The following RAD9A variants were observed in gnomAD, a reference collection of about 807,000 sequenced individuals.
The protein encoded by RAD9A is RAD9 checkpoint clamp component A.
Under a neutral mutation model 41.2 loss-of-function variants are expected in RAD9A, and 25 were observed. The ratio of observed to expected loss-of-function variants is 0.61; its 90% CI spans 0.44 to 0.85. The LOEUF (loss-of-function observed/expected upper bound fraction) is 0.85. Ranked by LOEUF, RAD9A falls within the 40% of genes least tolerant of loss-of-function variation. The probability of loss-of-function intolerance (pLI) is 0.00; values close to 1 mark genes in which losing one functional copy is unlikely to be tolerated. For synonymous variants in RAD9A, 252 were observed against 210.6 expected (o/e 1.20, Z -1.70); for missense variants, 514 against 518.3 (o/e 0.99, Z 0.08).
chr11:67,397,635 A>G lies in RAD9A; in HGVS notation c.*76A>G. 3 of 1,316,176 alleles carry G rather than the reference A, an allele frequency of 2.3e-6. No homozygotes were observed. The highest frequency in any genetic ancestry group is 2.1e-6 in the Non-Finnish European group (2 of 951,778). The allele number at this position is 1,316,176 out of a possible 1,614,324, so 81.5% of individuals were successfully genotyped here. A position where few individuals can be genotyped will look rare whatever the true frequency, so the allele number is the denominator to read the frequency against. ...AGCCAGTGGCAGAACTGGGTCTCTC[A>G]GCCCTGGGGATCAGAAAGGTGGGCT... On this transcript the variant is annotated 3_prime_UTR_variant, in exon 11 of 11. Transcript: ENST00000307980.
Position 67,397,572 on chromosome 11 carries a change from A to C in RAD9A, c.*13A>C. 1 of 1,579,662 alleles carries C rather than the reference A, an allele frequency of 6.3e-7. No homozygotes were observed. Among genetic ancestry groups the C allele is most frequent in the Non-Finnish European group, 8.7e-7 (1 of 1,151,736 alleles). On this transcript the variant is annotated 3_prime_UTR_variant, in exon 11 of 11. Coordinates refer to ENST00000307980, the MANE Select transcript of RAD9A (RefSeq NM_004584.3). Reference sequence around the variant, plus strand: ...GGGTGAAGGCTGAACCAAGAACCTGAAGCCTGTACCCAGAGGCCTTGGACT... The same window carrying C: ...GGGTGAAGGCTGAACCAAGAACCTGCAGCCTGTACCCAGAGGCCTTGGACT...
intron 9 of RAD9A, 146 bp from the exon 10 acceptor site, chr11:67,397,033 C>T: frequency 1.6e-6 from 1 of 623,508 alleles, no homozygotes; most frequent in Admixed American, 2.7e-5. Flanking sequence ...ACCCCTGCAT[C>T]CTCTCCTCTC....
chr11:67,392,034 G>T lies in RAD9A; in HGVS notation c.-11G>T. ...GGGCAGTGTTGGCCGCTGGCGGAGCGCTGGGGCAGCATGAAGTGCCTGGTC... is the reference window on the plus strand; with the variant it reads ...GGGCAGTGTTGGCCGCTGGCGGAGCTCTGGGGCAGCATGAAGTGCCTGGTC... On this transcript the variant is annotated 5_prime_UTR_variant, in exon 1 of 11. Coordinates refer to ENST00000307980, the MANE Select transcript of RAD9A (RefSeq NM_004584.3). The T allele has an allele frequency of 6.4e-7, 1 of 1,562,838 alleles. No homozygotes were observed. Among genetic ancestry groups the T allele is most frequent in the Non-Finnish European group, 8.6e-7 (1 of 1,156,248 alleles).
Position 67,397,242 on chromosome 11 carries a change from C to T in RAD9A, c.936C>T (p.Thr312=), listed in dbSNP as rs1862733416. Reference sequence around the variant, plus strand: ...ACTCTTACATGATCGCCATGGAAACCACTATAGGCAATGAGGGCTCGCGGG... The same window carrying T: ...ACTCTTACATGATCGCCATGGAAACTACTATAGGCAATGAGGGCTCGCGGG... ...DIDSYMIAME[T]TIGNEGSRVL... Residue 312 remains threonine, a synonymous_variant, in exon 10 of 11, where the codon ACC becomes ACT. Transcript: ENST00000307980. 1 of 1,613,544 alleles carries T rather than the reference C, an allele frequency of 6.2e-7. No homozygotes were observed. The highest frequency in any genetic ancestry group is 2.2e-5 in the East Asian group (1 of 44,890).
chr11:67,395,690 C>T (rs372522518), intron 5 of RAD9A, 26 bp from the exon 6 acceptor site: 15 of 1,544,244 alleles, frequency 9.7e-6, no homozygotes, highest in South Asian at 8.2e-5. Flanking sequence ...CCAGGCATTT[C>T]GGGTAATGCT....
At chr11:67,392,262 G>GGGGGGGGGGGGGGC in intron 2 of RAD9A, 31 bp downstream of exon 2, 31 of 600,694 alleles carry the variant, frequency 5.2e-5, no homozygotes, top group East Asian at 1.7e-4. Context: ...GGGCGGGTGG[G>GGGGGGGGGGGGGGC]ACTCCAGCCG....
chr11:67,395,876 G>A (rs773643652), intron 6 of RAD9A, 36 bp from the exon 7 acceptor site: 1 of 1,613,046 alleles, frequency 6.2e-7, no homozygotes, highest in Admixed American at 1.7e-5. Flanking sequence ...GTGGGAGAGG[G>A]GCGGGGCCCA....
intron 9 of RAD9A, 86 bp downstream of exon 9, chr11:67,396,486 C>A (rs149682342): frequency 2.5e-5 from 38 of 1,492,992 alleles, no homozygotes; most frequent in Middle Eastern, 3.5e-4. Flanking sequence ...TGCACCTCCC[C>A]GCAATGTGTT....
chr11:67,395,587 C>A, intron 5 of RAD9A, 129 bp from the exon 6 acceptor site: 1 of 704,802 alleles, frequency 1.4e-6, no homozygotes, highest in Non-Finnish European at 2.3e-6. Flanking sequence ...CTTCTCTGGG[C>A]CTCATCCACG....
At chr11:67,392,354 T>A in intron 2 of RAD9A, 123 bp downstream of exon 2, 1 of 975,252 alleles carries the variant, frequency 1.0e-6, no homozygotes, top group Non-Finnish European at 1.5e-6. Flanking sequence ...TTTCAGTTTC[T>A]TAGTCTGGCG....
In RAD9A at chr11:67,397,808, GTTCCTACCTC is replaced by G; in HGVS notation, c.*252_*261del. ...CCAGACTTGGCCCTGAACTACTGAC[GTTCCTACCTC>G]TTATTTCTCATTGAGCCTCAGGCTA... On this transcript the variant is annotated 3_prime_UTR_variant, in exon 11 of 11. Transcript: ENST00000307980. The G allele has an allele frequency of 1.9e-6, 1 of 513,542 alleles. No individual in the cohort carries two copies. Among genetic ancestry groups the G allele is most frequent in the Non-Finnish European group, 3.5e-6 (1 of 289,390 alleles). 31.8% of individuals were successfully genotyped at this position (513,542 alleles called of 1,614,324 possible).
rs940312255 is a variant in RAD9A, at chr11:67,397,807, C to G, written c.*248C>G. 1.7e-5 allele frequency: 9 copies of G among 515,768 alleles called. No individual in the cohort carries two copies. Among genetic ancestry groups the G allele is most frequent in the African/African-American group, 1.6e-4 (8 of 51,360 alleles). The allele number at this position is 515,768 out of a possible 1,614,324, so 31.9% of individuals were successfully genotyped here. A position where few individuals can be genotyped will look rare whatever the true frequency, so the allele number is the denominator to read the frequency against. On this transcript the variant is annotated 3_prime_UTR_variant, in exon 11 of 11. Coordinates refer to ENST00000307980, the MANE Select transcript of RAD9A (RefSeq NM_004584.3). The stretch of plus-strand genomic sequence containing the variant: ...TCCAGACTTGGCCCTGAACTACTGA[C>G]GTTCCTACCTCTTATTTCTCATTGA...
rs1298919718 is a variant in RAD9A at position 67,397,308 on chromosome 11, C to G, written c.1002C>G (p.Pro334=). 1.9e-6 allele frequency: 3 copies of G among 1,598,278 alleles called. No individual in the cohort carries two copies. The highest frequency in any genetic ancestry group is 2.2e-5 in the South Asian group (2 of 89,998). The change falls in exon 10 of 11, where the codon CCC becomes CCG. Residue 334 remains proline (P), a synonymous_variant. Transcript: ENST00000307980. The stretch of plus-strand genomic sequence containing the variant: ...CCCTTTCACCTGGCCCCCAGCCCCC[C>G]AAGAGCCCCGGTCCCCACTCCGAGG... ...SISLSPGPQP[P]KSPGPHSEEE... is the part of the protein sequence containing the mutation.
rs764204067 is a variant in RAD9A at position 67,396,266 on chromosome 11, C to T, written c.738C>T (p.Pro246=). Residue 246 remains proline, a synonymous_variant, in exon 9 of 11, where the codon CCC becomes CCT. Transcript: ENST00000307980. ...TTGGGCCCCCTCCCCTGCCCAGGCC[C>T]GCCATCTTCACCATCAAGGACTCTT... is the stretch of plus-strand genomic sequence containing the variant. ...LSIHFDAPGR[P]AIFTIKDSLL... 1.7e-5 allele frequency: 27 copies of T among 1,613,918 alleles called. No individual in the cohort carries two copies. The African/African-American group carries it at 2.0e-4, about 12-fold the overall frequency.
chr11:67,392,939 C>G, intron 3 of RAD9A, 157 bp downstream of exon 3: 3 of 1,090,310 alleles, frequency 2.8e-6, no homozygotes, highest in Non-Finnish European at 3.9e-6. Flanking sequence ...AAAAGCATCA[C>G]AGCGGGGACC....
At position 67,397,450 on chromosome 11, in the gene RAD9A, T is replaced by C. The variant is rs1183099178; in HGVS notation, c.1081-14T>C. 1 of 1,604,236 alleles carries C rather than the reference T, an allele frequency of 6.2e-7. No homozygotes were observed. ...AAGGGAGCAGCCTCCAGAACTCACT[T>C]GTTCTCTTTCCAGTTCCGCTCACTG... On this transcript the variant is annotated splice_polypyrimidine_tract_variant and intron_variant, in intron 10 of 10. Coordinates refer to ENST00000307980, the MANE Select transcript of RAD9A (RefSeq NM_004584.3).
chr11:67,397,436 C>T (rs1316154358), intron 10 of RAD9A, 28 bp from the exon 11 acceptor site: 1 of 1,596,092 alleles, frequency 6.3e-7, no homozygotes. Flanking sequence ...AGGGAGCAGC[C>T]TCCAGAACTC....
rs753879664 is a variant in RAD9A, at chr11:67,393,494, A to C, written c.235-2A>C. ...TAGGCTGAGGTGTCTTATCCCATGC[A>C]GTCTTTCCTGTCTGTCTTCCGCTCA... On this transcript the variant is annotated splice_acceptor_variant, in intron 3 of 10. Coordinates refer to ENST00000307980, the MANE Select transcript of RAD9A (RefSeq NM_004584.3). LOFTEE classifies it high-confidence loss of function. The C allele has an allele frequency of 6.2e-7, 1 of 1,614,092 alleles. No individual in the cohort carries two copies.
intron 5 of RAD9A, among the ~76,000 whole-genome samples, chr11:67,394,284 AGGAGGCTGGAG>A (rs1862619457): frequency 1.3e-5 from 2 of 152,212 alleles, no homozygotes; most frequent in Non-Finnish European, 2.9e-5. Context: ...AGGCCAGGGC[AGGAGGCTGGAG>A]GGAGGCTGAA....
Sources: gnomAD v4.1 joint callset for allele counts (sites outside exome capture counted in the v4.1 genomes callset) on GRCh38, gnomAD v4.1.1 for gene constraint, MANE v1.5 for transcripts, NCBI Gene and HGNC (gene_info 2026-07-23, HGNC 2026-07-21) for gene names.